Variants in ZNF529 observed in about 807,000 individuals in gnomAD.
The protein encoded by ZNF529 is zinc finger protein 529.
Under a neutral mutation model 10.1 loss-of-function variants are expected in ZNF529, and 11 were observed. The observed-to-expected ratio is 1.09, with a 90% CI of 0.69 to 1.81. The LOEUF is 1.81. Ranked by LOEUF, ZNF529 falls within the 40% of genes most tolerant of loss-of-function variation. The pLI, the probability that ZNF529 is intolerant of heterozygous loss-of-function variation, is 0.00. For synonymous variants in ZNF529, 204 were observed against 215.7 expected (o/e 0.95, Z 0.47); for missense variants, 624 against 666.8 (o/e 0.94, Z 0.71).
At chr19:36,594,602 T>G (rs1320988751) in intron 1 of ZNF529, 3 of 152,500 alleles carry the variant, frequency 2.0e-5, no homozygotes, top group South Asian at 4.1e-4. Flanking sequence ...TGATTCCGAC[T>G]CCCAACCTCC....
rs2035395226 is a variant in ZNF529 at position 36,554,679 on chromosome 19, G to GT, written c.225dup (p.Leu76ThrfsTer10). 6.4e-7 allele frequency: 1 copy of GT among 1,560,672 alleles called. No homozygotes were observed. Among genetic ancestry groups the GT allele is most frequent in the Admixed American group, 1.9e-5 (1 of 52,512 alleles). ...AGGCAGATAAATTTACCCAGTGAGA[G>GT]TAAGTTGCTGTAGTTCTCCATCATC... is the stretch of plus-strand genomic sequence containing the variant. On this transcript the variant is annotated frameshift_variant, in exon 4 of 5. Transcript: ENST00000591340. LOFTEE classifies it low-confidence loss of function (END_TRUNC).
chr19:36,568,498 G>C (rs774272304), intron 2 of ZNF529, among the ~76,000 whole-genome samples: 2 of 148,504 alleles, frequency 1.3e-5, no homozygotes, highest in African/African-American at 5.0e-5. Context: ...TTTACACAGA[G>C]TCTCACTTTG....
chr19:36,558,213 G>A (rs921848134), intron 2 of ZNF529, among the ~76,000 whole-genome samples: 5 of 151,930 alleles, frequency 3.3e-5, no homozygotes, highest in Non-Finnish European at 7.4e-5. Flanking sequence ...ATAAACAGGA[G>A]TACCAGAAGA....
At chr19:36,570,685 AG>A (rs1350819906) in intron 2 of ZNF529, among the ~76,000 whole-genome samples, 1 of 152,376 alleles carries the variant, frequency 6.6e-6, no homozygotes, top group African/African-American at 2.4e-5. Context: ...AACCTAAGAC[AG>A]TCAAATTGCC....
At chr19:36,584,443 C>T (rs2036535407) in intron 2 of ZNF529, among the ~76,000 whole-genome samples, 3 of 151,846 alleles carry the variant, frequency 2.0e-5, no homozygotes, top group Non-Finnish European at 2.9e-5. Context: ...TACGGAATTT[C>T]AAAACAAATT....
At chr19:36,559,579 T>A (rs2035604580) in intron 2 of ZNF529, among the ~76,000 whole-genome samples, 1 of 152,244 alleles carries the variant, frequency 6.6e-6, no homozygotes. Flanking sequence ...AGTGCCGGAA[T>A]TACAGGCGTG....
Position 36,548,072 on chromosome 19 carries a change from C to G in ZNF529, c.486G>C (p.Arg162=). The G allele has an allele frequency of 1.9e-6, 3 of 1,613,886 alleles. No individual in the cohort carries two copies. The highest frequency in any genetic ancestry group is 2.5e-6 in the Non-Finnish European group (3 of 1,179,866). Residue 162 remains arginine (R), a synonymous_variant, in exon 5 of 5, where the codon CGG becomes CGC. Transcript: ENST00000591340. ...YKTHESLTLP[R]RTHDSEKPYE... ...AGGGCTTCTCACTGTCATGAGTTCT[C>G]CGAGGTAAAGTAAGAGATTCATGAG...
intron 2 of ZNF529, among the ~76,000 whole-genome samples, chr19:36,559,207 GA>G (rs1358081455): frequency 6.6e-6 from 1 of 152,176 alleles, no homozygotes; most frequent in East Asian, 1.9e-4. Context: ...CAGTCCTTCT[GA>G]AAAAGAATAT....
intron 2 of ZNF529, among the ~76,000 whole-genome samples, chr19:36,587,134 G>A (rs1254075251): frequency 2.0e-5 from 3 of 151,852 alleles, no homozygotes; most frequent in Admixed American, 6.6e-5. Context: ...GCGTGGTGGC[G>A]AGCACCTGTA....
At position 36,547,354 on chromosome 19, in the gene ZNF529, C is replaced by G. The variant is rs775900838; in HGVS notation, c.1204G>C (p.Val402Leu). Residue 402 changes from valine to leucine, a missense_variant, in exon 5 of 5, where the codon GTC (valine) becomes CTC (leucine). Transcript: ENST00000591340. ...KPYECKACGKVFRNSSSLTRH... is the reference protein window; with the variant it reads ...KPYECKACGKLFRNSSSLTRH... ...GTCAGGGATGAACTATTTCTAAAGACCTTTCCACATGCTTTGCATTCATAG... is the reference window on the plus strand; with the variant it reads ...GTCAGGGATGAACTATTTCTAAAGAGCTTTCCACATGCTTTGCATTCATAG... The G allele has an allele frequency of 2.5e-6, 4 of 1,613,852 alleles. No homozygotes were observed. In the Admixed American group the frequency reaches 6.7e-5, roughly 27 times the overall value.
Position 36,547,426 on chromosome 19 carries a change from A to C in ZNF529, c.1132T>G (p.Cys378Gly). The change falls in exon 5 of 5, where the codon TGT becomes GGT. Residue 378 changes from cysteine to glycine, a missense_variant. By Grantham distance (159) the Cys-to-Gly change is radical. Transcript: ENST00000591340. Reference protein sequence around the residue: ...CKECGKAFGVCRELARHQRIH... With the variant: ...CKECGKAFGVGRELARHQRIH... ...CTCTGATGACGAGCAAGTTCTCTAC[A>C]TACTCCAAAAGCCTTCCCACATTCC... 6.2e-7 allele frequency: 1 copy of C among 1,610,970 alleles called. No homozygotes were observed. Among genetic ancestry groups the C allele is most frequent in the East Asian group, 2.2e-5 (1 of 44,544 alleles).
intron 2 of ZNF529, 119 bp from the exon 3 acceptor site, chr19:36,556,316 C>A: frequency 1.6e-6 from 1 of 643,778 alleles, no homozygotes; most frequent in Non-Finnish European, 2.8e-6. Flanking sequence ...ATGTTAAGAA[C>A]TCTTAGAGTC....
chr19:36,565,812 G>C (rs1419808841), intron 2 of ZNF529, among the ~76,000 whole-genome samples: 1 of 152,142 alleles, frequency 6.6e-6, no homozygotes, highest in East Asian at 1.9e-4. Context: ...TGATTTAAAA[G>C]ACTAACGTGT....
chr19:36,597,105 C>T (rs1346258123), intron 1 of ZNF529, among the ~76,000 whole-genome samples: 1 of 152,112 alleles, frequency 6.6e-6, no homozygotes, highest in Non-Finnish European at 1.5e-5. Flanking sequence ...CTCCTGGGCT[C>T]AGGCAATGCT....
chr19:36,573,776 G>A (rs534042542), upstream of ZNF529, among the ~76,000 whole-genome samples: 4 of 152,318 alleles, frequency 2.6e-5, no homozygotes, highest in South Asian at 8.3e-4. Flanking sequence ...GGCCGGGCTG[G>A]GAAGGCCTGA....
chr19:36,554,521 T>C (rs868049331), intron 4 of ZNF529, 149 bp downstream of exon 4: 8 of 520,500 alleles, frequency 1.5e-5, no homozygotes, highest in Middle Eastern at 6.3e-4. Context: ...GAGGTTGCAG[T>C]GAGCCAAGAT....
At chr19:36,576,615 G>T (rs1416527962), upstream of ZNF529, among the ~76,000 whole-genome samples, 1 of 152,008 alleles carries the variant, frequency 6.6e-6, no homozygotes, top group African/African-American at 2.4e-5. Flanking sequence ...TACTCGGGAG[G>T]CTGAGGCAGG....
chr19:36,601,738 AG>A (rs1428197898), intron 1 of ZNF529, among the ~76,000 whole-genome samples: 1 of 152,150 alleles, frequency 6.6e-6, no homozygotes, highest in Non-Finnish European at 1.5e-5. Context: ...AAAGATATTG[AG>A]TATATTGCCC....
chr19:36,591,875 T>C (rs1312836000), intron 1 of ZNF529, among the ~76,000 whole-genome samples: 1 of 152,136 alleles, frequency 6.6e-6, no homozygotes, highest in Non-Finnish European at 1.5e-5. Flanking sequence ...GAGAGGACAG[T>C]TCATTTTTTG....
Sources: gnomAD v4.1 joint callset for allele counts (sites outside exome capture counted in the v4.1 genomes callset) on GRCh38, gnomAD v4.1.1 for gene constraint, MANE v1.5 for transcripts, NCBI Gene and HGNC (gene_info 2026-07-23, HGNC 2026-07-21) for gene names.